Variants in AHI1 observed in about 807,000 individuals in gnomAD.
The protein encoded by AHI1 is jouberin.
AHI1 carries 123 observed loss-of-function variants against 149.3 expected under a neutral mutation model. The ratio of observed to expected loss-of-function variants is 0.82; its 90% CI spans 0.71 to 0.96. AHI1 has a LOEUF of 0.96. Ranked by LOEUF, AHI1 falls within the 40% of genes least tolerant of loss-of-function variation. AHI1 has a pLI of 0.00. For synonymous variants in AHI1, 475 were observed against 459.8 expected (o/e 1.03, Z -0.42); for missense variants, 1,439 against 1,422.7 (o/e 1.01, Z -0.18).
chr6:135,351,483 G>A (rs967005485), intron 24 of AHI1, among the ~76,000 whole-genome samples: 20 of 152,138 alleles, frequency 1.3e-4, no homozygotes, highest in African/African-American at 4.8e-4. Context: ...GTAAAGAAAC[G>A]TGACTAAAGA....
intron 22 of AHI1, among the ~76,000 whole-genome samples, chr6:135,395,850 C>T (rs1401875338): frequency 1.7e-5 from 2 of 120,066 alleles, no homozygotes; most frequent in African/African-American, 2.5e-5. Context: ...ATTAAAACAG[C>T]CCCTTTCCCA....
intron 23 of AHI1, among the ~76,000 whole-genome samples, chr6:135,379,808 G>A (rs2128466015): frequency 6.6e-6 from 1 of 152,142 alleles, no homozygotes; most frequent in South Asian, 2.1e-4. Flanking sequence ...GTACATTCCT[G>A]TTTCAGGATC....
chr6:135,427,101 T>C (rs1449334771), intron 20 of AHI1, 66 bp downstream of exon 20: 9 of 1,481,258 alleles, frequency 6.1e-6, no homozygotes, highest in Admixed American at 2.0e-5. Flanking sequence ...TCCAGACAGA[T>C]TCCTGGTTTA....
rs1781514713 is a variant in AHI1 at position 135,284,741 on chromosome 6, A to T, written c.*904T>A. 1 of 152,212 alleles carries T rather than the reference A, an allele frequency of 6.6e-6. No individual in the cohort carries two copies. The highest frequency in any genetic ancestry group is 1.5e-5 in the Non-Finnish European group (1 of 68,030). The allele number at this position is 152,212 out of a possible 1,614,324, so 9.4% of individuals were successfully genotyped here. On this transcript the variant is annotated 3_prime_UTR_variant, in exon 29 of 29. Coordinates refer to ENST00000265602, the MANE Select transcript of AHI1 (RefSeq NM_001134831.2). ...ATTGTTGCCAGTCCAGCCAAAAATCACTTTTAATTTAGGTCTATGAAGTTA... is the reference window on the plus strand; with the variant it reads ...ATTGTTGCCAGTCCAGCCAAAAATCTCTTTTAATTTAGGTCTATGAAGTTA...
intron 20 of AHI1, among the ~76,000 whole-genome samples, chr6:135,412,338 C>T (rs568500345): frequency 6.6e-6 from 1 of 152,150 alleles, no homozygotes; most frequent in East Asian, 1.9e-4. Context: ...ACTTTAGCAT[C>T]CATAGATTTT....
intron 24 of AHI1, among the ~76,000 whole-genome samples, chr6:135,330,406 T>G (rs1359577811): frequency 6.6e-6 from 1 of 152,242 alleles, no homozygotes; most frequent in Non-Finnish European, 1.5e-5. Context: ...AAGGCTGAGA[T>G]GATCATTGGT....
chr6:135,419,705 G>A (rs1388454492), intron 20 of AHI1, among the ~76,000 whole-genome samples: 1 of 152,046 alleles, frequency 6.6e-6, no homozygotes, highest in Non-Finnish European at 1.5e-5. Flanking sequence ...TGTTAATAAA[G>A]GGTCTGCTGA....
rs1395119405 is a variant in AHI1 at position 135,495,856 on chromosome 6, G to C, written c.-97C>G. 3 of 152,126 alleles carry C rather than the reference G, an allele frequency of 2.0e-5. No homozygotes were observed. The highest frequency in any genetic ancestry group is 4.4e-5 in the Non-Finnish European group (3 of 68,040). The allele number at this position is 152,126 out of a possible 1,614,324, so 9.4% of individuals were successfully genotyped here. A position where few individuals can be genotyped will look rare whatever the true frequency, so the allele number is the denominator to read the frequency against. ...CAAGCTACTTAATTTCTAATCCTTG[G>C]TTTTTCCTTGTCTGGGAATTTAAAA... On this transcript the variant is annotated 5_prime_UTR_variant, in exon 3 of 29. Transcript: ENST00000265602.
intron 23 of AHI1, among the ~76,000 whole-genome samples, chr6:135,394,468 G>C (rs1449574805): frequency 6.6e-6 from 1 of 151,964 alleles, no homozygotes; most frequent in Non-Finnish European, 1.5e-5. Flanking sequence ...TCTATGATGG[G>C]TTCTTTATCT....
At chr6:135,427,628 T>A (rs754455669) in intron 19 of AHI1, among the ~76,000 whole-genome samples, 10 of 151,372 alleles carry the variant, frequency 6.6e-5, no homozygotes, top group Non-Finnish European at 1.5e-4. Context: ...CTAAGCAAAC[T>A]CCAAATGACA....
chr6:135,396,050 T>C (rs1187265183), intron 22 of AHI1, among the ~76,000 whole-genome samples: 1 of 151,950 alleles, frequency 6.6e-6, no homozygotes, highest in Middle Eastern at 3.4e-3. Context: ...AAACAGTATA[T>C]CTTAGTTTAG....
chr6:135,360,301 C>T (rs540144626), intron 23 of AHI1, among the ~76,000 whole-genome samples: 1 of 152,268 alleles, frequency 6.6e-6, no homozygotes, highest in Admixed American at 6.5e-5. Context: ...CTAGATATTT[C>T]TTTGAAGGTT....
intron 28 of AHI1, among the ~76,000 whole-genome samples, chr6:135,289,420 G>A (rs1399431070): frequency 2.0e-5 from 3 of 151,964 alleles, no homozygotes; most frequent in South Asian, 2.1e-4. Context: ...ACTTGAACCC[G>A]GGAGGTGGAG....
intron 11 of AHI1, among the ~76,000 whole-genome samples, chr6:135,452,255 A>C (rs1443915089): frequency 4.6e-5 from 7 of 152,268 alleles, no homozygotes; most frequent in Non-Finnish European, 7.3e-5. Context: ...TTCACAAATG[A>C]AAATGTTTTT....
chr6:135,460,280 C>T (rs1459677284), intron 8 of AHI1, among the ~76,000 whole-genome samples: 1 of 152,108 alleles, frequency 6.6e-6, no homozygotes, highest in Non-Finnish European at 1.5e-5. Context: ...CATATATGTA[C>T]CAGCAACAAA....
chr6:135,359,025 C>CA (rs1793434381), intron 23 of AHI1, among the ~76,000 whole-genome samples: 1 of 152,190 alleles, frequency 6.6e-6, no homozygotes, highest in South Asian at 2.1e-4. Flanking sequence ...GCAAGAACTA[C>CA]AATGTCTGTT....
chr6:135,382,988 G>C (rs964027443), intron 23 of AHI1, among the ~76,000 whole-genome samples: 2 of 128,416 alleles, frequency 1.6e-5, no homozygotes, highest in African/African-American at 3.0e-5. Context: ...TTAAAAATTG[G>C]ATCACTTACC....
At chr6:135,426,405 C>G (rs560267799) in intron 20 of AHI1, among the ~76,000 whole-genome samples, 1 of 151,834 alleles carries the variant, frequency 6.6e-6, no homozygotes, top group African/African-American at 2.4e-5. Context: ...AGATTTCTAA[C>G]TTAATTGCCT....
At chr6:135,323,390 C>G (rs768343947) in intron 24 of AHI1, 66 bp from the exon 25 acceptor site, 12 of 1,530,822 alleles carry the variant, frequency 7.8e-6, no homozygotes, top group Non-Finnish European at 1.1e-5. Flanking sequence ...CCCCAACATT[C>G]ACTTCCTCTT....
Sources: gnomAD v4.1 joint callset for allele counts (sites outside exome capture counted in the v4.1 genomes callset) on GRCh38, gnomAD v4.1.1 for gene constraint, MANE v1.5 for transcripts, NCBI Gene and HGNC (gene_info 2026-07-23, HGNC 2026-07-21) for gene names.